The following SLC38A3 variants were observed in gnomAD, a reference collection of about 807,000 sequenced individuals.
The protein encoded by SLC38A3 is solute carrier family 38 member 3.
In SLC38A3, 17 loss-of-function variants were observed where a neutral mutation model predicts 59.5. The ratio of observed to expected loss-of-function variants is 0.29; its 90% CI spans 0.20 to 0.43. The LOEUF is 0.43. Among genes scored for constraint, SLC38A3 ranks in the 20% least tolerant of loss-of-function variants. The probability of loss-of-function intolerance (pLI) is 1.00; values close to 1 mark genes in which losing one functional copy is unlikely to be tolerated. For missense variants in SLC38A3, 454 were observed against 653.9 expected (o/e 0.69, Z 3.33); for synonymous variants, 238 against 260.3 (o/e 0.91, Z 0.82).
chr3:50,214,256 A>G lies in SLC38A3; in HGVS notation c.57A>G (p.Ser19=). 6.2e-7 allele frequency: 1 copy of G among 1,613,954 alleles called. No individual in the cohort carries two copies. Among genetic ancestry groups the G allele is most frequent in the Non-Finnish European group, 8.5e-7 (1 of 1,179,860 alleles). Residue 19 remains serine, a synonymous_variant, in exon 2 of 16, where the codon TCA becomes TCG. Transcript: ENST00000614032. This position sits in a 1 kb window ranked among gnomAD's most constrained non-coding sequence, Gnocchi z 6.0. The stretch of plus-strand genomic sequence containing the variant: ...AGCTGGTGCCCAATGGCAAACACTC[A>G]GAGGGGCTGCTCCCGGTCATCACCC... ...MVELVPNGKH[S]EGLLPVITPM...
rs1699845930 is a variant in SLC38A3, at chr3:50,218,121, G to A, written c.935+125G>A. 9.1e-7 allele frequency: 1 copy of A among 1,102,038 alleles called. No homozygotes were observed. The highest frequency in any genetic ancestry group is 1.4e-6 in the Non-Finnish European group (1 of 733,930). The allele number at this position is 1,102,038 out of a possible 1,614,324, so 68.3% of individuals were successfully genotyped here. A position where few individuals can be genotyped will look rare whatever the true frequency, so the allele number is the denominator to read the frequency against. On this transcript the variant is annotated intron_variant, in intron 11 of 15. Transcript: ENST00000614032. The surrounding 1 kb of genome is among the most constrained non-coding windows in gnomAD (Gnocchi z 5.8). ...AGTCACTTTATCTGAGATGTCCTTG[G>A]CAGCCATGAGAGGTGATTATGAGCA...
At position 50,215,257 on chromosome 3, in the gene SLC38A3, C is replaced by T; in HGVS notation, c.300-129C>T. On this transcript the variant is annotated intron_variant, in intron 4 of 15. Coordinates refer to ENST00000614032, the MANE Select transcript of SLC38A3 (RefSeq NM_006841.6). This position sits in a 1 kb window ranked among gnomAD's most constrained non-coding sequence, Gnocchi z 7.1. ...GGGGCCTGCTGAGCTGGCATCCATACCTGTTGGGAGTCCAGACACCCAGGT... is the reference window on the plus strand; with the variant it reads ...GGGGCCTGCTGAGCTGGCATCCATATCTGTTGGGAGTCCAGACACCCAGGT... 1 of 774,738 alleles carries T rather than the reference C, an allele frequency of 1.3e-6. No individual in the cohort carries two copies. Among genetic ancestry groups the T allele is most frequent in the Non-Finnish European group, 2.2e-6 (1 of 451,374 alleles). The allele number at this position is 774,738 out of a possible 1,614,324, so 48.0% of individuals were successfully genotyped here. A position where few individuals can be genotyped will look rare whatever the true frequency, so the allele number is the denominator to read the frequency against.
At chr3:50,212,882 CAG>C (rs1211646355) in intron 1 of SLC38A3, among the ~76,000 whole-genome samples, 1 of 152,138 alleles carries the variant, frequency 6.6e-6, no homozygotes, top group Non-Finnish European at 1.5e-5. Context: ...GGTTCTCCAT[CAG>C]AGAGGGCACC....
Position 50,215,835 on chromosome 3 carries a change from TG to T in SLC38A3, c.548+18del. On this transcript the variant is annotated intron_variant, in intron 7 of 15. Transcript: ENST00000614032. The surrounding 1 kb of genome is among the most constrained non-coding windows in gnomAD (Gnocchi z 7.1). ...GGAGAAAACCTCGTGAGCCCTGGCG[TG>T]GGGAGGGGAGGGGAGGGGTGCGGTG... 8.9e-7 allele frequency: 1 copy of T among 1,122,994 alleles called. No homozygotes were observed. The highest frequency in any genetic ancestry group is 1.1e-6 in the Non-Finnish European group (1 of 889,392). 69.6% of individuals were successfully genotyped at this position (1,122,994 alleles called of 1,614,324 possible).
Position 50,218,732 on chromosome 3 carries a change from AG to A in SLC38A3, c.1161+17del, listed in dbSNP as rs966864479. On this transcript the variant is annotated intron_variant, in intron 13 of 15. Transcript: ENST00000614032. This position sits in a 1 kb window ranked among gnomAD's most constrained non-coding sequence, Gnocchi z 5.8. ...TTCTGTTCCCGGTGAGCTGGTGGGC[AG>A]GTGGCTAGACTAGTGGCGGGAGGGG... The A allele has an allele frequency of 6.2e-7, 1 of 1,603,280 alleles. No individual in the cohort carries two copies. The highest frequency in any genetic ancestry group is 1.3e-5 in the African/African-American group (1 of 74,878).
intron 14 of SLC38A3, 38 bp from the exon 15 acceptor site, chr3:50,219,843 G>T: frequency 1.9e-6 from 3 of 1,539,594 alleles, no homozygotes; most frequent in Non-Finnish European, 2.7e-6. Context: ...TCAGTAGGAG[G>T]ATATGAGCCA....
Position 50,220,653 on chromosome 3 carries a change from C to T in SLC38A3, c.*476C>T, listed in dbSNP as rs1312432306. The stretch of plus-strand genomic sequence containing the variant: ...TATTCCCTAGGCCCTTTTCAGACTC[C>T]TGGGCCCTTGGATACTCTTCTCCCA... On this transcript the variant is annotated 3_prime_UTR_variant, in exon 16 of 16. Coordinates refer to ENST00000614032, the MANE Select transcript of SLC38A3 (RefSeq NM_006841.6). 5.3e-6 allele frequency: 1 copy of T among 189,692 alleles called. No homozygotes were observed. Among genetic ancestry groups the T allele is most frequent in the Non-Finnish European group, 1.1e-5 (1 of 89,144 alleles). 11.8% of individuals were successfully genotyped at this position (189,692 alleles called of 1,614,324 possible).
Position 50,217,802 on chromosome 3 carries a change from G to A in SLC38A3, c.817G>A (p.Ala273Thr), listed in dbSNP as rs1458855123. Residue 273 changes from alanine (A) to threonine (T), a missense_variant, in exon 10 of 16, where the codon GCC (alanine) becomes ACC (threonine). Physicochemically the swap from Ala to Thr is moderately conservative, Grantham distance 58. Transcript: ENST00000614032. This position sits in a 1 kb window ranked among gnomAD's most constrained non-coding sequence, Gnocchi z 4.9. ...GCTGCAGGTCGAGCCTGAGGCTTCA[G>A]CCTTCTGCACTCCCAGCTACTTCAC... is the stretch of plus-strand genomic sequence containing the variant. ...VQLQVEPEAS[A>T]FCTPSYFTLN... 6 of 1,614,076 alleles carry A rather than the reference G, an allele frequency of 3.7e-6. No individual in the cohort carries two copies. The African/African-American group carries it at 6.7e-5, about 18-fold the overall frequency.
At position 50,214,501 on chromosome 3, in the gene SLC38A3, G is replaced by A. The variant is rs372869563; in HGVS notation, c.183+18G>A. On this transcript the variant is annotated intron_variant, in intron 3 of 15. Transcript: ENST00000614032. This position sits in a 1 kb window ranked among gnomAD's most constrained non-coding sequence, Gnocchi z 6.0. ...TCACTGACGTGAGCAGGGCAGCAACGGGTTTTAGGGGACACTGTGGGGAGC... is the reference window on the plus strand; with the variant it reads ...TCACTGACGTGAGCAGGGCAGCAACAGGTTTTAGGGGACACTGTGGGGAGC... 88 of 1,552,970 alleles carry A rather than the reference G, an allele frequency of 5.7e-5. No homozygotes were observed. In the African/African-American group the frequency reaches 8.7e-4, roughly 15 times the overall value.
intron 1 of SLC38A3, among the ~76,000 whole-genome samples, chr3:50,212,682 C>A (rs538827772): frequency 1.1e-4 from 16 of 152,238 alleles, no homozygotes; most frequent in African/African-American, 3.6e-4. Flanking sequence ...GTCCTCTGAC[C>A]AGAGAGGCCA....
chr3:50,217,633 C>A lies in SLC38A3; in HGVS notation c.691-43C>A. 1 of 1,604,610 alleles carries A rather than the reference C, an allele frequency of 6.2e-7. No homozygotes were observed. The highest frequency in any genetic ancestry group is 1.1e-5 in the South Asian group (1 of 90,392). ...GCTTCATGGTGACTTCCCAGGCAGT[C>A]CAGCCTGGGAGTCTCTGACACCCTC... On this transcript the variant is annotated intron_variant, in intron 9 of 15. Coordinates refer to ENST00000614032, the MANE Select transcript of SLC38A3 (RefSeq NM_006841.6). This position sits in a 1 kb window ranked among gnomAD's most constrained non-coding sequence, Gnocchi z 4.9.
intron 1 of SLC38A3, among the ~76,000 whole-genome samples, chr3:50,208,823 G>C (rs1380716980): frequency 1.3e-5 from 2 of 152,118 alleles, no homozygotes; most frequent in African/African-American, 4.8e-5. Flanking sequence ...AGTATGCATG[G>C]ACGCATGGAG....
chr3:50,213,899 T>C (rs1274870708), intron 1 of SLC38A3, among the ~76,000 whole-genome samples: 2 of 152,132 alleles, frequency 1.3e-5, no homozygotes, highest in Admixed American at 1.3e-4. Flanking sequence ...AGGGCTTGCC[T>C]GGACGGGTGT....
Position 50,215,977 on chromosome 3 carries a change from C to T in SLC38A3, c.548+156C>T, listed in dbSNP as rs943788903. ...AGCTGGTGGAGTGGGGAGAGTTGCC[C>T]GCAGAGCCAGCATTCAGTTCACACT... On this transcript the variant is annotated intron_variant, in intron 7 of 15. Coordinates refer to ENST00000614032, the MANE Select transcript of SLC38A3 (RefSeq NM_006841.6). This position sits in a 1 kb window ranked among gnomAD's most constrained non-coding sequence, Gnocchi z 7.1. Among the ~76,000 whole-genome samples the T allele has an allele frequency of 4.6e-5, 7 of 151,960 alleles. No individual in the cohort carries two copies. Among genetic ancestry groups the T allele is most frequent in the South Asian group, 2.1e-4 (1 of 4,824 alleles).
rs1019548941 is a variant in SLC38A3 at position 50,218,172 on chromosome 3, A to G, written c.936-98A>G. The G allele has an allele frequency of 1.8e-6, 2 of 1,083,606 alleles. No homozygotes were observed. Among genetic ancestry groups the G allele is most frequent in the African/African-American group, 1.5e-5 (1 of 64,868 alleles). 67.1% of individuals were successfully genotyped at this position (1,083,606 alleles called of 1,614,324 possible). A position where few individuals can be genotyped will look rare whatever the true frequency, so the allele number is the denominator to read the frequency against. On this transcript the variant is annotated intron_variant, in intron 11 of 15. Transcript: ENST00000614032. This position sits in a 1 kb window ranked among gnomAD's most constrained non-coding sequence, Gnocchi z 5.8. ...AGAAGGAGACTCCCTCAGATGCTGA[A>G]TGGTGAAAGTATGGTGCCAGAGAGA...
At position 50,218,095 on chromosome 3, in the gene SLC38A3, A is replaced by C; in HGVS notation, c.935+99A>C. The C allele has an allele frequency of 3.2e-6, 4 of 1,268,704 alleles. No individual in the cohort carries two copies. The highest frequency in any genetic ancestry group is 4.5e-6 in the Non-Finnish European group (4 of 881,424). 78.6% of individuals were successfully genotyped at this position (1,268,704 alleles called of 1,614,324 possible). ...TGTGGAGAGGGGAGTGACAGGAGCC[A>C]AGTCACTTTATCTGAGATGTCCTTG... is the stretch of plus-strand genomic sequence containing the variant. On this transcript the variant is annotated intron_variant, in intron 11 of 15. Coordinates refer to ENST00000614032, the MANE Select transcript of SLC38A3 (RefSeq NM_006841.6). This position sits in a 1 kb window ranked among gnomAD's most constrained non-coding sequence, Gnocchi z 5.8.
intron 14 of SLC38A3, among the ~76,000 whole-genome samples, chr3:50,219,634 T>C (rs1699868861): frequency 6.6e-6 from 1 of 152,238 alleles, no homozygotes; most frequent in African/African-American, 2.4e-5. Context: ...CATCTCTTGA[T>C]TTGCCTTTCC....
At chr3:50,213,880 G>C (rs191325945) in intron 1 of SLC38A3, among the ~76,000 whole-genome samples, 2 of 152,192 alleles carry the variant, frequency 1.3e-5, no homozygotes, top group Non-Finnish European at 2.9e-5. Context: ...TGGTGAAACC[G>C]AGACCCTAAG....
intron 1 of SLC38A3, chr3:50,207,745 G>A (rs1451839157): frequency 6.6e-6 from 1 of 152,396 alleles, no homozygotes; most frequent in Non-Finnish European, 1.5e-5. Flanking sequence ...TGGGGCTCTA[G>A]AGGACCAGGC....
Sources: gnomAD v4.1 joint callset for allele counts (sites outside exome capture counted in the v4.1 genomes callset) on GRCh38, gnomAD v4.1.1 for gene constraint, Gnocchi (gnomAD v3.1) non-coding constraint, MANE v1.5 for transcripts, NCBI Gene and HGNC (gene_info 2026-07-23, HGNC 2026-07-21) for gene names.